ADCY6: variants seen among roughly 807,000 people sequenced by gnomAD.
The protein encoded by ADCY6 is adenylate cyclase 6.
In ADCY6, 59 loss-of-function variants were observed where a neutral mutation model predicts 111.6. The observed-to-expected ratio is 0.53, with a 90% CI of 0.43 to 0.66. ADCY6 has a LOEUF of 0.66. Among genes scored for constraint, ADCY6 ranks in the 30% least tolerant of loss-of-function variants. The probability of loss-of-function intolerance (pLI) is 0.00; values close to 1 mark genes in which losing one functional copy is unlikely to be tolerated. For synonymous variants in ADCY6, 576 were observed against 642.9 expected (o/e 0.90, Z 1.57); for missense variants, 1,242 against 1,595.6 (o/e 0.78, Z 3.78).
Position 48,772,033 on chromosome 12 carries a change from C to T in ADCY6, c.2788-60G>A, listed in dbSNP as rs758015419. 5.8e-6 allele frequency: 9 copies of T among 1,556,760 alleles called. No homozygotes were observed. The South Asian group carries it at 9.9e-5, about 17-fold the overall frequency. The stretch of plus-strand genomic sequence containing the variant: ...ATTCACAAGGGGTAGGTGTGGTGGC[C>T]AAGGCTTGGAAGTGCGGATAAGAGG... On this transcript the variant is annotated intron_variant, in intron 18 of 21. Coordinates refer to ENST00000357869, the MANE Select transcript of ADCY6 (RefSeq NM_015270.5).
Position 48,782,937 on chromosome 12 carries a change from C to G in ADCY6, c.498G>C (p.Leu166=). 1 of 1,613,452 alleles carries G rather than the reference C, an allele frequency of 6.2e-7. No homozygotes were observed. Among genetic ancestry groups the G allele is most frequent in the African/African-American group, 1.3e-5 (1 of 75,066 alleles). ...GGGCGGGTGCGGCGTGGAAAGCCAG[C>G]AGCACCGCTGTGAGCAGCACCAGCA... ...MAVLVLLTAV[L]LAFHAAPARP... The change falls in exon 2 of 22, where the codon CTG becomes CTC. Residue 166 remains leucine (L), a synonymous_variant. Coordinates refer to ENST00000357869, the MANE Select transcript of ADCY6 (RefSeq NM_015270.5). This position sits in a 1 kb window ranked among gnomAD's most constrained non-coding sequence, Gnocchi z 4.3.
intron 16 of ADCY6, 131 bp from the exon 17 acceptor site, chr12:48,772,674 C>T: frequency 9.6e-7 from 1 of 1,037,346 alleles, no homozygotes; most frequent in East Asian, 2.6e-5. Context: ...AGGGCTTTTA[C>T]TTACATTAAT....
Position 48,776,501 on chromosome 12 carries a change from G to A in ADCY6, c.1462C>T (p.Arg488Trp), listed in dbSNP as rs751759088. Residue 488 changes from arginine to tryptophan, a missense_variant, in exon 7 of 22, where the codon CGG (arginine) becomes TGG (tryptophan). Transcript: ENST00000357869. This position sits in a 1 kb window ranked among gnomAD's most constrained non-coding sequence, Gnocchi z 6.1. ...GRVHCGVLGLRKWQFDVWSND... is the reference protein window; with the variant it reads ...GRVHCGVLGLWKWQFDVWSND... ...GACCACACATCGAACTGCCATTTCC[G>A]CAAGCCAAGGACGCCGCAGTGCACG... 4.3e-6 allele frequency: 7 copies of A among 1,612,946 alleles called. No individual in the cohort carries two copies. The highest frequency in any genetic ancestry group is 1.1e-5 in the South Asian group (1 of 91,066).
Position 48,783,453 on chromosome 12 carries a change from A to G in ADCY6, c.-4-15T>C. ...ATGACATGTTGCTGGTAGGGAAGGA[A>G]GGAGATAGTATTAGAGACCATCCAG... On this transcript the variant is annotated splice_polypyrimidine_tract_variant and intron_variant, in intron 1 of 21. Coordinates refer to ENST00000357869, the MANE Select transcript of ADCY6 (RefSeq NM_015270.5). The G allele has an allele frequency of 6.2e-6, 10 of 1,614,148 alleles. No homozygotes were observed. Among genetic ancestry groups the G allele is most frequent in the Non-Finnish European group, 8.5e-6 (10 of 1,180,010 alleles).
chr12:48,769,006 A>AG lies in ADCY6; in HGVS notation c.3311_3312insC (p.Asp1105Ter). 1 of 1,613,944 alleles carries AG rather than the reference A, an allele frequency of 6.2e-7. No homozygotes were observed. Among genetic ancestry groups the AG allele is most frequent in the Non-Finnish European group, 8.5e-7 (1 of 1,179,938 alleles). On this transcript the variant is annotated frameshift_variant, in exon 21 of 22. Transcript: ENST00000357869. LOFTEE classifies it high-confidence loss of function. ...CATTCACTGTGTTCCCCCAGATGTCATACTGTGGCTTCCGAGCCCCGATGA... is the reference window on the plus strand; with the variant it reads ...CATTCACTGTGTTCCCCCAGATGTCAGTACTGTGGCTTCCGAGCCCCGATGA...
chr12:48,772,662 C>A, intron 16 of ADCY6, 119 bp from the exon 17 acceptor site: 1 of 1,198,064 alleles, frequency 8.3e-7, no homozygotes, highest in Non-Finnish European at 1.2e-6. Flanking sequence ...AGGCATTGGG[C>A]CAGGGCTTTT....
chr12:48,774,944 G>T lies in ADCY6; in HGVS notation c.2078+13C>A. 6.4e-7 allele frequency: 1 copy of T among 1,550,840 alleles called. No individual in the cohort carries two copies. Among genetic ancestry groups the T allele is most frequent in the Non-Finnish European group, 8.7e-7 (1 of 1,145,622 alleles). On this transcript the variant is annotated intron_variant, in intron 12 of 21. Transcript: ENST00000357869. ...GAAGAGAGAAGCTAAGAGAGGAAAG[G>T]CAGGGCTCTCACTGTGGGAAGATGA... is the stretch of plus-strand genomic sequence containing the variant.
intron 1 of ADCY6, among the ~76,000 whole-genome samples, chr12:48,787,685 G>A (rs1942004927): frequency 6.6e-6 from 1 of 152,208 alleles, no homozygotes; most frequent in Non-Finnish European, 1.5e-5. Context: ...CCCAGAGTCA[G>A]GCTCCTAAGC....
At position 48,771,277 on chromosome 12, in the gene ADCY6, GAGC is replaced by G; in HGVS notation, c.3052-310_3052-308del. On this transcript the variant is annotated intron_variant, in intron 19 of 21. Coordinates refer to ENST00000357869, the MANE Select transcript of ADCY6 (RefSeq NM_015270.5). The surrounding 1 kb of genome is among the most constrained non-coding windows in gnomAD (Gnocchi z 4.3). The stretch of plus-strand genomic sequence containing the variant: ...CTTTTGGGATACTGAGTCCCAGAGT[GAGC>G]AAGTGACTTCCCTCCAGAACAGTGA... 1 of 490,040 alleles carries G rather than the reference GAGC, an allele frequency of 2.0e-6. No individual in the cohort carries two copies. Among genetic ancestry groups the G allele is most frequent in the South Asian group, 2.3e-5 (1 of 44,290 alleles). 30.4% of individuals were successfully genotyped at this position (490,040 alleles called of 1,614,324 possible). A position where few individuals can be genotyped will look rare whatever the true frequency, so the allele number is the denominator to read the frequency against.
At position 48,776,161 on chromosome 12, in the gene ADCY6, T is replaced by G; in HGVS notation, c.1677+48A>C. 1 of 1,613,846 alleles carries G rather than the reference T, an allele frequency of 6.2e-7. No homozygotes were observed. The highest frequency in any genetic ancestry group is 2.2e-5 in the East Asian group (1 of 44,870). On this transcript the variant is annotated intron_variant, in intron 8 of 21. Transcript: ENST00000357869. This position sits in a 1 kb window ranked among gnomAD's most constrained non-coding sequence, Gnocchi z 6.1. The stretch of plus-strand genomic sequence containing the variant: ...GAGGCCTTGGCCTGCTCCTCCCCAT[T>G]TGTCCCTCTTCTTGCTCCCCTGCCC...
chr12:48,770,690 C>T (rs1941512509), intron 20 of ADCY6, 76 bp downstream of exon 20: 2 of 1,462,292 alleles, frequency 1.4e-6, no homozygotes, highest in Non-Finnish European at 1.9e-6. Flanking sequence ...ATCTGTGATC[C>T]CATCCCCAGC....
chr12:48,770,654 A>C, intron 20 of ADCY6, 112 bp downstream of exon 20: 1 of 1,108,010 alleles, frequency 9.0e-7, no homozygotes, highest in Non-Finnish European at 1.3e-6. Flanking sequence ...AGAGGGAAGA[A>C]AACCCCACAG....
intron 2 of ADCY6, among the ~76,000 whole-genome samples, chr12:48,781,974 C>G (rs1004945509): frequency 1.3e-5 from 2 of 152,178 alleles, no homozygotes; most frequent in Admixed American, 6.5e-5. Flanking sequence ...CAAACCACAT[C>G]CAGCCCAGAG....
At position 48,768,612 on chromosome 12, in the gene ADCY6, G is replaced by A. The variant is rs759490729; in HGVS notation, c.3486C>T (p.Leu1162=). ...KGKGEMTTYF[L]NGGPSS ...CCTGTTAACTGCTGGGGCCCCCATTGAGGAAGTAGGTGGTCATCTCCCCCT... is the reference window on the plus strand; with the variant it reads ...CCTGTTAACTGCTGGGGCCCCCATTAAGGAAGTAGGTGGTCATCTCCCCCT... Residue 1162 remains leucine, a synonymous_variant, in exon 22 of 22, where the codon CTC becomes CTT. Transcript: ENST00000357869. 2.5e-6 allele frequency: 4 copies of A among 1,614,110 alleles called. No individual in the cohort carries two copies. The highest frequency in any genetic ancestry group is 3.4e-6 in the Non-Finnish European group (4 of 1,179,996).
In ADCY6 at chr12:48,776,434, C is replaced by T. The variant is rs969613636; in HGVS notation, c.1529G>A (p.Arg510Gln). The T allele has an allele frequency of 1.7e-5, 28 of 1,613,578 alleles. No individual in the cohort carries two copies. Among genetic ancestry groups the T allele is most frequent in the South Asian group, 3.3e-5 (3 of 91,052 alleles). The change falls in exon 7 of 22, where the codon CGG (arginine) becomes CAG (glutamine). Residue 510 changes from arginine (R) to glutamine (Q), a missense_variant. Transcript: ENST00000357869. The surrounding 1 kb of genome is among the most constrained non-coding windows in gnomAD (Gnocchi z 6.1). ...TLANHMEAGG[R>Q]AGRIHITRAT... ...CCTGGACCCCCCTACTCACCCAGCC[C>T]GGCCTCCTGCCTCCATGTGGTTGGC...
upstream of ADCY6, chr12:48,789,503 T>G (rs1942045964): frequency 6.6e-6 from 1 of 151,958 alleles, no homozygotes; most frequent in Non-Finnish European, 1.5e-5. Flanking sequence ...AGGGTCGCCT[T>G]CCTTCCTGTC....
At chr12:48,772,179 C>A (rs1309329035) in intron 18 of ADCY6, 116 bp downstream of exon 18, 35 of 1,465,046 alleles carry the variant, frequency 2.4e-5, no homozygotes, top group Non-Finnish European at 2.8e-5. Flanking sequence ...GGAATGGAAC[C>A]AGGGTGGGCC....
intron 1 of ADCY6, among the ~76,000 whole-genome samples, chr12:48,787,065 A>C (rs567219576): frequency 6.6e-6 from 1 of 152,330 alleles, no homozygotes; most frequent in South Asian, 2.1e-4. Flanking sequence ...GCAAGAACAC[A>C]CGTCTTTCTA....
intron 15 of ADCY6, 121 bp downstream of exon 15, chr12:48,773,819 T>C: frequency 2.0e-6 from 3 of 1,464,338 alleles, no homozygotes; most frequent in Non-Finnish European, 2.8e-6. Flanking sequence ...CCCTGGTTGC[T>C]CCTAGTGTGG....
Sources: gnomAD v4.1 joint callset for allele counts (sites outside exome capture counted in the v4.1 genomes callset) on GRCh38, gnomAD v4.1.1 for gene constraint, Gnocchi (gnomAD v3.1) non-coding constraint, MANE v1.5 for transcripts, NCBI Gene and HGNC (gene_info 2026-07-23, HGNC 2026-07-21) for gene names.